HOXA3: variants seen among roughly 807,000 people sequenced by gnomAD.
HOXA3 encodes the protein homeobox A3, also known as homeobox protein Hox-A3.
In HOXA3, 8 loss-of-function variants were observed where a neutral mutation model predicts 30.3. The observed-to-expected ratio is 0.26, with a 90% CI of 0.15 to 0.48. HOXA3 has a LOEUF of 0.48. HOXA3 is among the 20% of genes least tolerant of loss of function. The pLI, the probability that HOXA3 is intolerant of heterozygous loss-of-function variation, is 0.99. For synonymous variants in HOXA3, 323 were observed against 273.1 expected, an observed-to-expected ratio of 1.18 and a Z score of -1.80; for missense variants, 653 against 614.4, an observed-to-expected ratio of 1.06 and a Z score of -0.66.
chr7:27,143,896 C>T (rs1302157001), intron 1 of HOXA3, among the ~76,000 whole-genome samples: 1 of 152,198 alleles, frequency 6.6e-6, no homozygotes, highest in Non-Finnish European at 1.5e-5. Flanking sequence ...CCAGTTGCCG[C>T]CGTTCAGCCG....
chr7:27,114,744 TACACACACACAC>T (rs70994629), intron 4 of HOXA3, among the ~76,000 whole-genome samples: 1 of 93,440 alleles, frequency 1.1e-5, no homozygotes, highest in Non-Finnish European at 2.1e-5. Context: ...ACCGACATCA[TACACACACACAC>T]ACACACACAC....
chr7:27,142,703 C>T, intron 1 of HOXA3: 1 of 306,100 alleles, frequency 3.3e-6, no homozygotes, highest in African/African-American at 2.2e-5. Flanking sequence ...GCCCGATTCA[C>T]GGCTGCTACA....
At position 27,138,111 on chromosome 7, in the gene HOXA3, A is replaced by C. The variant is rs553631035; in HGVS notation, c.-390+1972T>G. 1.1e-4 allele frequency among the ~76,000 whole-genome samples: 16 copies of C among 152,374 alleles called. No homozygotes were observed. The South Asian group carries it at 2.9e-3, about 28-fold the overall frequency. On this transcript the variant is annotated intron_variant, in intron 2 of 5. Transcript: ENST00000612286. ...TATTCTCACAGACACATAACATTAT[A>C]AAAGAGAACCCATACCCATGTAGAG...
At chr7:27,129,142 G>A in intron 2 of HOXA3, 2 of 862,914 alleles carry the variant, frequency 2.3e-6, no homozygotes, top group Non-Finnish European at 4.0e-6. Context: ...GGTCCAGATG[G>A]GGAGGGGTGG....
At chr7:27,147,038 C>G in intron 1 of HOXA3, 1 of 529,158 alleles carries the variant, frequency 1.9e-6, no homozygotes, top group Non-Finnish European at 3.3e-6. Flanking sequence ...CAGGCTGTCC[C>G]TGTCACAGGT....
intron 4 of HOXA3, chr7:27,115,771 G>T (rs569927709): frequency 6.6e-6 from 1 of 152,374 alleles, no homozygotes; most frequent in African/African-American, 2.4e-5. Context: ...GCCTCTATCC[G>T]CCCCGATACG....
At chr7:27,129,045 T>A in intron 2 of HOXA3, 1 of 658,414 alleles carries the variant, frequency 1.5e-6, no homozygotes. Context: ...CTCTCTTGGG[T>A]GGCAACCAGC....
At chr7:27,143,266 G>A in intron 1 of HOXA3, 1 of 1,607,184 alleles carries the variant, frequency 6.2e-7, no homozygotes, top group Non-Finnish European at 8.5e-7. Flanking sequence ...CGCCGTGGTG[G>A]CTGTCGCTGC....
intron 1 of HOXA3, among the ~76,000 whole-genome samples, chr7:27,146,251 T>TTGTGTGTGTGTGTTTG: frequency 6.7e-6 from 1 of 149,012 alleles, no homozygotes; most frequent in South Asian, 2.1e-4. Flanking sequence ...GTGTGTGTGT[T>TTGTGTGTGTGTGTTTG]TGTGTGTGTG....
chr7:27,130,030 C>T (rs1785454731), intron 2 of HOXA3: 2 of 1,429,914 alleles, frequency 1.4e-6, no homozygotes, highest in Non-Finnish European at 9.4e-7. Flanking sequence ...AGGCCCCCTT[C>T]CCCTGAGCCT....
At chr7:27,133,360 A>G (rs1019269768) in intron 2 of HOXA3, among the ~76,000 whole-genome samples, 1 of 152,252 alleles carries the variant, frequency 6.6e-6, no homozygotes, top group African/African-American at 2.4e-5. Context: ...TAAAGCCAGG[A>G]AGAAACTAAC....
chr7:27,122,180 A>G (rs1013883146), intron 4 of HOXA3: 1 of 152,232 alleles, frequency 6.6e-6, no homozygotes, highest in Non-Finnish European at 1.5e-5. Flanking sequence ...CGACAAAGAG[A>G]GCAGCCCACG....
chr7:27,112,684 T>C (rs1025306153), intron 4 of HOXA3, among the ~76,000 whole-genome samples: 1 of 152,268 alleles, frequency 6.6e-6, no homozygotes, highest in African/African-American at 2.4e-5. Flanking sequence ...GCAGTGTCAA[T>C]GTCTGCCATT....
intron 2 of HOXA3, among the ~76,000 whole-genome samples, chr7:27,137,431 G>C (rs1472056111): frequency 6.6e-6 from 1 of 152,204 alleles, no homozygotes; most frequent in Non-Finnish European, 1.5e-5. Flanking sequence ...GAGGAGCACA[G>C]ACACGCACTT....
chr7:27,148,099 C>T (rs1423486155), intron 1 of HOXA3, among the ~76,000 whole-genome samples: 1 of 152,258 alleles, frequency 6.6e-6, no homozygotes, highest in Non-Finnish European at 1.5e-5. Context: ...AGTAGGGACA[C>T]TAATGCTTGG....
intron 2 of HOXA3, among the ~76,000 whole-genome samples, chr7:27,139,019 C>T (rs1015011587): frequency 5.9e-5 from 9 of 152,142 alleles, no homozygotes; most frequent in Non-Finnish European, 1.2e-4. Context: ...GAGTGAATTT[C>T]TCCAATCTTA....
chr7:27,124,886 C>A (rs1215663622), intron 3 of HOXA3, among the ~76,000 whole-genome samples: 1 of 152,164 alleles, frequency 6.6e-6, no homozygotes, highest in Non-Finnish European at 1.5e-5. Context: ...AATTAGTCAT[C>A]CTGGGATTAT....
At chr7:27,142,837 C>A (rs865991134) in intron 1 of HOXA3, 50 of 524,934 alleles carry the variant, frequency 9.5e-5, no homozygotes, top group African/African-American at 9.1e-4. Flanking sequence ...TCCCAGAGAA[C>A]GCCCATTTCC....
At chr7:27,129,465 G>C (rs1207834274) in intron 2 of HOXA3, 2 of 1,614,002 alleles carry the variant, frequency 1.2e-6, no homozygotes, top group African/African-American at 2.7e-5. Context: ...GGCGCCGCCG[G>C]GTCAGGTATC....
Sources: gnomAD v4.1 joint callset for allele counts (sites outside exome capture counted in the v4.1 genomes callset) on GRCh38, gnomAD v4.1.1 for gene constraint, MANE v1.5 for transcripts, NCBI Gene and HGNC (gene_info 2026-07-23, HGNC 2026-07-21) for gene names.